The following CNTN4 variants were observed in gnomAD, a reference collection of about 807,000 sequenced individuals.
CNTN4 encodes contactin-4.
CNTN4 carries 77 observed loss-of-function variants against 122.5 expected under a neutral mutation model. The observed-to-expected ratio is 0.63, with a 90% CI of 0.52 to 0.76. The LOEUF (loss-of-function observed/expected upper bound fraction) is 0.76, where lower values mean the gene tolerates loss of function less well. Among genes scored for constraint, CNTN4 ranks in the 30% least tolerant of loss-of-function variants. The probability of loss-of-function intolerance (pLI) is 0.00; values close to 1 mark genes in which losing one functional copy is unlikely to be tolerated. For missense variants in CNTN4, 1,256 were observed against 1,259.1 expected (o/e 1.00, Z 0.04); for synonymous variants, 512 against 447.0 (o/e 1.15, Z -1.83).
intron 2 of CNTN4, among the ~76,000 whole-genome samples, chr3:2,160,029 T>G (rs993336991): frequency 2.0e-5 from 3 of 152,170 alleles, no homozygotes. Context: ...TAATTTCTTA[T>G]GCCTGTATTA....
At chr3:2,215,883 C>CAAAAAAAAAAAAAA (rs869205172) in intron 2 of CNTN4, among the ~76,000 whole-genome samples, 1 of 60,260 alleles carries the variant, frequency 1.7e-5, no homozygotes, top group Non-Finnish European at 2.9e-5. Flanking sequence ...GCCTCTGTCT[C>CAAAAAAAAAAAAAA]AAAAAAAAAA....
At chr3:2,767,194 T>C (rs551916590) in intron 6 of CNTN4, among the ~76,000 whole-genome samples, 1 of 152,334 alleles carries the variant, frequency 6.6e-6, no homozygotes, top group South Asian at 2.1e-4. Flanking sequence ...GTCTTCACAC[T>C]TTAGAGCTAA....
chr3:2,691,708 A>G (rs189245308), intron 4 of CNTN4, among the ~76,000 whole-genome samples: 1 of 152,344 alleles, frequency 6.6e-6, no homozygotes, highest in East Asian at 1.9e-4. Flanking sequence ...TGTATGCATA[A>G]GTTAAAACAT....
chr3:2,764,308 G>C (rs539674402), intron 6 of CNTN4, among the ~76,000 whole-genome samples: 1 of 152,204 alleles, frequency 6.6e-6, no homozygotes, highest in Non-Finnish European at 1.5e-5. Flanking sequence ...AACATAGAGA[G>C]CATTAAGAAA....
chr3:2,395,140 C>A (rs888486168), intron 3 of CNTN4, among the ~76,000 whole-genome samples: 1 of 152,084 alleles, frequency 6.6e-6, no homozygotes, highest in East Asian at 1.9e-4. Flanking sequence ...CCTAGGTGTT[C>A]ATCAGTAGGA....
At chr3:2,393,438 C>T (rs532634084) in intron 3 of CNTN4, among the ~76,000 whole-genome samples, 3 of 152,212 alleles carry the variant, frequency 2.0e-5, no homozygotes, top group African/African-American at 7.2e-5. Context: ...TAGCATATGG[C>T]AGATAGTAAT....
rs1344505530 is a variant in CNTN4 at position 2,840,586 on chromosome 3, C to G, written c.454+21005C>G. On this transcript the variant is annotated intron_variant, in intron 7 of 24. Coordinates refer to ENST00000418658, the MANE Select transcript of CNTN4 (RefSeq NM_175607.3). ...CGGTGATGGGCGCCTGTAGTCCCAG[C>G]TACTCGGGAGGCTGAGGCGGGAGAA... Among the ~76,000 whole-genome samples, 61 of 83,768 alleles carry G rather than the reference C, an allele frequency of 7.3e-4. 7 individuals are homozygous for G. The highest frequency in any genetic ancestry group is 2.0e-3 in the African/African-American group (60 of 29,842). 55.0% of individuals were successfully genotyped at this position (83,768 alleles called of 152,430 possible).
intron 4 of CNTN4, among the ~76,000 whole-genome samples, chr3:2,663,674 A>G (rs193132698): frequency 2.6e-5 from 4 of 152,342 alleles, no homozygotes; most frequent in African/African-American, 9.6e-5. Context: ...GAATTTGTCC[A>G]TGAAGAATCT....
intron 2 of CNTN4, among the ~76,000 whole-genome samples, chr3:2,112,250 G>A (rs904906916): frequency 6.6e-6 from 1 of 152,116 alleles, no homozygotes; most frequent in Admixed American, 6.6e-5. Flanking sequence ...AATGCTGACA[G>A]TGACAGAGGA....
intron 3 of CNTN4, among the ~76,000 whole-genome samples, chr3:2,527,275 A>T (rs1379641851): frequency 6.6e-6 from 1 of 152,058 alleles, no homozygotes; most frequent in African/African-American, 2.4e-5. Flanking sequence ...TCATCTTTTT[A>T]TGTGGATGTC....
chr3:2,837,338 T>C (rs2093249966), intron 7 of CNTN4, among the ~76,000 whole-genome samples: 1 of 152,176 alleles, frequency 6.6e-6, no homozygotes. Context: ...TGAAAATCAT[T>C]CCAGATACTG....
At chr3:2,919,374 A>C (rs1389230658) in intron 12 of CNTN4, among the ~76,000 whole-genome samples, 3 of 112,102 alleles carry the variant, frequency 2.7e-5, no homozygotes, top group African/African-American at 9.7e-5. Context: ...AAAAAAAAAA[A>C]AAACCAGATC....
At chr3:2,160,800 C>T (rs1184243512) in intron 2 of CNTN4, among the ~76,000 whole-genome samples, 1 of 152,066 alleles carries the variant, frequency 6.6e-6, no homozygotes, top group Admixed American at 6.6e-5. Context: ...TTTGCAGCTC[C>T]CCTTGATTTC....
chr3:2,891,063 C>G (rs1402477023), intron 10 of CNTN4, among the ~76,000 whole-genome samples: 1 of 152,118 alleles, frequency 6.6e-6, no homozygotes, highest in Non-Finnish European at 1.5e-5. Context: ...GACAAAATCC[C>G]TGCCCTCAAG....
Position 2,591,615 on chromosome 3 carries a change from C to T in CNTN4, c.55+20057C>T, listed in dbSNP as rs1029515730. ...TCCTGACCTCGTGATCCGCCCGCCT[C>T]GGCCTCCCAAAGTGCTGGGATTACA... On this transcript the variant is annotated intron_variant, in intron 4 of 24. Transcript: ENST00000418658. 1.9e-4 allele frequency among the ~76,000 whole-genome samples: 10 copies of T among 51,702 alleles called. 3 individuals carry two copies. Among genetic ancestry groups the T allele is most frequent in the Middle Eastern group, 0.018 (2 of 110 alleles). 33.9% of individuals were successfully genotyped at this position (51,702 alleles called of 152,430 possible). A position where few individuals can be genotyped will look rare whatever the true frequency, so the allele number is the denominator to read the frequency against.
chr3:2,468,215 A>G (rs1393268040), intron 3 of CNTN4, among the ~76,000 whole-genome samples: 5 of 152,198 alleles, frequency 3.3e-5, no homozygotes, highest in Non-Finnish European at 7.3e-5. Context: ...CTAAGAATAA[A>G]GAAATAACAA....
intron 2 of CNTN4, among the ~76,000 whole-genome samples, chr3:2,323,833 C>G (rs2043353623): frequency 1.3e-5 from 2 of 152,066 alleles, no homozygotes; most frequent in South Asian, 4.1e-4. Context: ...TTTTGGGAGA[C>G]AGTAAAGTTT....
intron 3 of CNTN4, among the ~76,000 whole-genome samples, chr3:2,409,244 CT>C (rs2047143415): frequency 7.3e-6 from 1 of 136,058 alleles, no homozygotes; most frequent in Non-Finnish European, 1.6e-5. Flanking sequence ...GGTATCTTTT[CT>C]TTTCTTTTTT....
Position 2,397,412 on chromosome 3 carries a change from A to C in CNTN4, c.-89+58179A>C, listed in dbSNP as rs185861427. ...AATATGTAATGTCATGTTATTTTAA[A>C]ATGTTCTGAAGAAAAAAATTTATAA... On this transcript the variant is annotated intron_variant, in intron 3 of 24. Coordinates refer to ENST00000418658, the MANE Select transcript of CNTN4 (RefSeq NM_175607.3). Among the ~76,000 whole-genome samples the C allele has an allele frequency of 3.3e-5, 5 of 152,118 alleles. 1 individual carries two copies. The highest frequency in any genetic ancestry group is 3.3e-4 in the Admixed American group (5 of 15,276).
Sources: allele counts gnomAD v4.1 joint callset (sites outside exome capture counted in the v4.1 genomes callset), GRCh38; gene constraint gnomAD v4.1.1; transcripts MANE v1.5; gene names NCBI Gene and HGNC (gene_info 2026-07-23, HGNC 2026-07-21).